Variants in CEP128 observed in about 807,000 individuals in gnomAD.
CEP128 encodes centrosomal protein 128kDa.
CEP128 carries 132 observed loss-of-function variants against 156.7 expected under a neutral mutation model. The observed-to-expected ratio is 0.84, with a 90% CI of 0.73 to 0.97. CEP128 has a LOEUF of 0.97. Ranked by LOEUF, CEP128 falls within the 50% of genes least tolerant of loss-of-function variation. CEP128 has a pLI of 0.00. For synonymous variants in CEP128, 469 were observed against 448.9 expected (o/e 1.04, Z -0.57); for missense variants, 1,252 against 1,281.9 (o/e 0.98, Z 0.36).
chr14:80,931,302 G>A (rs977539497), intron 2 of CEP128, among the ~76,000 whole-genome samples: 4 of 130,234 alleles, frequency 3.1e-5, no homozygotes, highest in Non-Finnish European at 7.0e-5. Context: ...AGTCAAAGAG[G>A]GTGCTTCTGA....
At chr14:80,544,441 C>A (rs1889895197) in intron 21 of CEP128, among the ~76,000 whole-genome samples, 1 of 152,138 alleles carries the variant, frequency 6.6e-6, no homozygotes, top group Non-Finnish European at 1.5e-5. Context: ...AGACAGCCCC[C>A]TTTTTGAGGT....
At chr14:80,592,774 C>T (rs1892135687) in intron 19 of CEP128, among the ~76,000 whole-genome samples, 1 of 152,164 alleles carries the variant, frequency 6.6e-6, no homozygotes, top group Non-Finnish European at 1.5e-5. Context: ...AAACCGAATC[C>T]AGCAGCACAT....
intron 9 of CEP128, 96 bp from the exon 10 acceptor site, chr14:80,840,864 T>C (rs566608233): frequency 1.2e-5 from 9 of 739,120 alleles, no homozygotes; most frequent in Admixed American, 2.2e-5. Flanking sequence ...GAAGAAGACA[T>C]GGATATGAGT....
intron 4 of CEP128, among the ~76,000 whole-genome samples, chr14:80,913,693 G>A (rs977764655): frequency 6.6e-6 from 1 of 152,062 alleles, no homozygotes. Flanking sequence ...TATACAGAGT[G>A]GTATAATGGA....
intron 4 of CEP128, among the ~76,000 whole-genome samples, chr14:80,907,121 C>T (rs1883927985): frequency 1.3e-5 from 2 of 152,154 alleles, no homozygotes; most frequent in Non-Finnish European, 2.9e-5. Flanking sequence ...AGGAAAAGAA[C>T]AGATGAAACA....
chr14:80,714,786 A>T (rs1022248214), intron 19 of CEP128, among the ~76,000 whole-genome samples: 1 of 152,010 alleles, frequency 6.6e-6, no homozygotes, highest in Non-Finnish European at 1.5e-5. Context: ...GCAGATCAAG[A>T]CTTAAAAAAA....
At chr14:80,892,303 A>G (rs1889140068) in intron 8 of CEP128, among the ~76,000 whole-genome samples, 1 of 152,032 alleles carries the variant, frequency 6.6e-6, no homozygotes, top group Admixed American at 6.6e-5. Flanking sequence ...ATAGGATACA[A>G]TGAGGAAAGA....
intron 19 of CEP128, among the ~76,000 whole-genome samples, chr14:80,629,543 A>G (rs1893876748): frequency 1.3e-5 from 1 of 76,256 alleles, no homozygotes; most frequent in Admixed American, 1.6e-4. Flanking sequence ...AGGTAGGAAT[A>G]CCCTCTGTTG....
At chr14:80,818,550 C>T (rs762462367) in intron 13 of CEP128, among the ~76,000 whole-genome samples, 1 of 150,826 alleles carries the variant, frequency 6.6e-6, no homozygotes, top group Non-Finnish European at 1.5e-5. Flanking sequence ...ATAACTGAAC[C>T]AAAGACAGCC....
chr14:80,868,059 C>T (rs778098802), intron 8 of CEP128, among the ~76,000 whole-genome samples: 16 of 151,988 alleles, frequency 1.1e-4, no homozygotes, highest in East Asian at 1.9e-4. Context: ...AATTCAAAGT[C>T]CTGGCAGGGG....
chr14:80,628,005 G>A (rs1893804586), intron 19 of CEP128, among the ~76,000 whole-genome samples: 1 of 152,142 alleles, frequency 6.6e-6, no homozygotes, highest in Non-Finnish European at 1.5e-5. Context: ...CCTCAGCACA[G>A]CTCTCTTGAA....
At chr14:80,614,334 A>T (rs144442134) in intron 19 of CEP128, among the ~76,000 whole-genome samples, 1 of 152,264 alleles carries the variant, frequency 6.6e-6, no homozygotes, top group East Asian at 1.9e-4. Flanking sequence ...TCTCTGCAGC[A>T]TTTGATACTG....
At chr14:80,689,879 T>G (rs1019342058) in intron 19 of CEP128, among the ~76,000 whole-genome samples, 1 of 152,152 alleles carries the variant, frequency 6.6e-6, no homozygotes, top group Non-Finnish European at 1.5e-5. Flanking sequence ...TCGATTAATT[T>G]TAATGATTCA....
chr14:80,542,052 T>C (rs1258000937), intron 21 of CEP128, among the ~76,000 whole-genome samples: 2 of 152,238 alleles, frequency 1.3e-5, no homozygotes, highest in Non-Finnish European at 2.9e-5. Flanking sequence ...AAGCACTCAA[T>C]AAATGTTAGC....
intron 19 of CEP128, among the ~76,000 whole-genome samples, chr14:80,605,972 AT>A (rs1892760449): frequency 6.6e-6 from 1 of 151,674 alleles, no homozygotes. Context: ...TTAAAAAATT[AT>A]TTATTTTATT....
At chr14:80,525,841 T>C (rs914574268) in intron 23 of CEP128, among the ~76,000 whole-genome samples, 4 of 152,230 alleles carry the variant, frequency 2.6e-5, no homozygotes, top group African/African-American at 9.6e-5. Context: ...ACTGTCTTTA[T>C]ATCCACTGAG....
chr14:80,534,417 C>A (rs1461223928), intron 21 of CEP128, among the ~76,000 whole-genome samples: 2 of 152,138 alleles, frequency 1.3e-5, no homozygotes, highest in African/African-American at 4.8e-5. Flanking sequence ...CATGTTAATT[C>A]CCAGGGCAAA....
intron 16 of CEP128, among the ~76,000 whole-genome samples, chr14:80,772,249 G>A (rs773293334): frequency 4.6e-5 from 7 of 151,974 alleles, no homozygotes; most frequent in East Asian, 1.9e-4. Context: ...CCAAACCCCT[G>A]GCTCCATGAG....
At chr14:80,674,651 A>T (rs8020092) in intron 19 of CEP128, among the ~76,000 whole-genome samples, 15,025 of 152,086 alleles carry the variant, frequency 0.099, 2,451 homozygotes, top group African/African-American at 0.34. Context: ...ATATATGCAT[A>T]TGTATATATG....
Sources: gnomAD v4.1 joint callset for allele counts (sites outside exome capture counted in the v4.1 genomes callset) on GRCh38, gnomAD v4.1.1 for gene constraint, MANE v1.5 for transcripts, NCBI Gene and HGNC (gene_info 2026-07-23, HGNC 2026-07-21) for gene names.